RAP1GDS1: variants seen among roughly 807,000 people sequenced by gnomAD.
RAP1GDS1 encodes the protein RAP1, GTP-GDP dissociation stimulator 1.
A neutral mutation model predicts 71.1 loss-of-function variants in RAP1GDS1; 35 were observed. The observed-to-expected ratio is 0.49, with a 90% CI of 0.38 to 0.65. The LOEUF (loss-of-function observed/expected upper bound fraction) is 0.65, where lower values mean the gene tolerates loss of function less well. Ranked by LOEUF, RAP1GDS1 falls within the 30% of genes least tolerant of loss-of-function variation. The probability of loss-of-function intolerance (pLI) is 0.00; values close to 1 mark genes in which losing one functional copy is unlikely to be tolerated. For synonymous variants in RAP1GDS1, 229 were observed against 243.1 expected (o/e 0.94, Z 0.54); for missense variants, 663 against 706.1 (o/e 0.94, Z 0.69).
intron 4 of RAP1GDS1, among the ~76,000 whole-genome samples, chr4:98,361,671 G>A (rs986394875): frequency 6.6e-6 from 1 of 152,104 alleles, no homozygotes; most frequent in Non-Finnish European, 1.5e-5. Flanking sequence ...ATCAAATGCT[G>A]GGCCATAACC....
chr4:98,279,765 C>T (rs578167714), intron 1 of RAP1GDS1, among the ~76,000 whole-genome samples: 1 of 152,210 alleles, frequency 6.6e-6, no homozygotes, highest in South Asian at 2.1e-4. Context: ...CCCCTGTCCC[C>T]ACCCCATGAC....
intron 6 of RAP1GDS1, 27 bp downstream of exon 6, chr4:98,392,107 G>GTAAT: frequency 6.3e-7 from 1 of 1,586,206 alleles, no homozygotes; most frequent in South Asian, 1.2e-5. Flanking sequence ...AACCACAAAT[G>GTAAT]TAATTAACTT....
chr4:98,334,242 C>T (rs373350390), intron 2 of RAP1GDS1, among the ~76,000 whole-genome samples: 1 of 152,004 alleles, frequency 6.6e-6, no homozygotes, highest in Non-Finnish European at 1.5e-5. Context: ...CATAAACACA[C>T]CTAAGCATAT....
chr4:98,361,500 T>C lies in RAP1GDS1; in HGVS notation c.361+8899T>C, dbSNP rs72896361. On this transcript the variant is annotated intron_variant, in intron 4 of 14. Coordinates refer to ENST00000408927, the MANE Select transcript of RAP1GDS1 (RefSeq NM_001100427.2). ...AAAAATATAGGGAGTAAAGAAAGCT[T>C]TAGTAATTTCTTTAGGAAATGTATT... Among the ~76,000 whole-genome samples, 782 of 152,226 alleles carry C rather than the reference T, an allele frequency of 5.1e-3. 10 individuals carry two copies. Among genetic ancestry groups the C allele is most frequent in the African/African-American group, 0.018 (759 of 41,530 alleles).
At chr4:98,345,231 G>A (rs190450397) in intron 3 of RAP1GDS1, among the ~76,000 whole-genome samples, 54 of 152,242 alleles carry the variant, frequency 3.5e-4, no homozygotes, top group Admixed American at 1.2e-3. Context: ...AGAAATTGAC[G>A]ATGAAAAAGA....
At chr4:98,349,857 G>A in intron 3 of RAP1GDS1, among the ~76,000 whole-genome samples, 1 of 151,172 alleles carries the variant, frequency 6.6e-6, no homozygotes, top group African/African-American at 2.4e-5. Flanking sequence ...TAATATATCT[G>A]CCTGAAGCAT....
At chr4:98,344,353 T>C (rs930139113) in intron 3 of RAP1GDS1, among the ~76,000 whole-genome samples, 6 of 152,216 alleles carry the variant, frequency 3.9e-5, no homozygotes, top group Non-Finnish European at 8.8e-5. Context: ...ATACCCAGCA[T>C]CTTGGTTTTT....
chr4:98,396,747 C>T (rs1744609579), intron 6 of RAP1GDS1: 1 of 152,182 alleles, frequency 6.6e-6, no homozygotes, highest in Non-Finnish European at 1.5e-5. Context: ...TTTCTCCTTT[C>T]AGAGTGAGCT....
rs553884406 is a variant in RAP1GDS1, at chr4:98,266,648, G to A, written c.4+5079G>A. Among the ~76,000 whole-genome samples, 173 of 152,256 alleles carry A rather than the reference G, an allele frequency of 1.1e-3. 1 individual carries two copies. The South Asian group carries it at 0.018, about 16-fold the overall frequency. ...TGATTTCAAAAAAGCATAGATGCTAGCTTGGTAAATTTAAAAATTTTTCTT... is the reference window on the plus strand; with the variant it reads ...TGATTTCAAAAAAGCATAGATGCTAACTTGGTAAATTTAAAAATTTTTCTT... On this transcript the variant is annotated intron_variant, in intron 1 of 14. Coordinates refer to ENST00000408927, the MANE Select transcript of RAP1GDS1 (RefSeq NM_001100427.2).
intron 2 of RAP1GDS1, among the ~76,000 whole-genome samples, chr4:98,304,788 T>C (rs1442971498): frequency 6.6e-6 from 1 of 152,204 alleles, no homozygotes; most frequent in East Asian, 1.9e-4. Context: ...TTCTGAATGA[T>C]GTTGCGTAGA....
chr4:98,360,113 A>G (rs1738509289), intron 4 of RAP1GDS1, among the ~76,000 whole-genome samples: 1 of 152,206 alleles, frequency 6.6e-6, no homozygotes, highest in Admixed American at 6.6e-5. Context: ...GTTTACCTTA[A>G]AATTGTAGGA....
At chr4:98,284,194 C>A (rs1725637865) in intron 1 of RAP1GDS1, among the ~76,000 whole-genome samples, 1 of 152,052 alleles carries the variant, frequency 6.6e-6, no homozygotes, top group Non-Finnish European at 1.5e-5. Flanking sequence ...AAGTGATATC[C>A]ATATAATTTT....
At chr4:98,435,072 G>A (rs1750958344) in intron 13 of RAP1GDS1, among the ~76,000 whole-genome samples, 1 of 152,176 alleles carries the variant, frequency 6.6e-6, no homozygotes, top group Admixed American at 6.5e-5. Context: ...CTGTGGTTAA[G>A]GCCTAAGGCT....
At chr4:98,434,823 G>C (rs896757576) in intron 13 of RAP1GDS1, among the ~76,000 whole-genome samples, 2 of 152,010 alleles carry the variant, frequency 1.3e-5, no homozygotes, top group Admixed American at 1.3e-4. Context: ...GTTTCACCAT[G>C]TTGGTCAGGC....
intron 6 of RAP1GDS1, among the ~76,000 whole-genome samples, chr4:98,395,648 G>T (rs988109160): frequency 1.3e-5 from 2 of 152,042 alleles, no homozygotes; most frequent in Admixed American, 6.6e-5. Context: ...TAGCTCTGTC[G>T]GTCAGCTCTG....
chr4:98,388,954 C>T (rs1743188013), intron 5 of RAP1GDS1, among the ~76,000 whole-genome samples: 1 of 152,014 alleles, frequency 6.6e-6, no homozygotes, highest in Non-Finnish European at 1.5e-5. Context: ...ACAGAAATAA[C>T]ATTTTTATGA....
At chr4:98,425,881 G>T (rs1432701907) in intron 12 of RAP1GDS1, among the ~76,000 whole-genome samples, 1 of 152,142 alleles carries the variant, frequency 6.6e-6, no homozygotes, top group Non-Finnish European at 1.5e-5. Context: ...GGACTTAACA[G>T]ATATTTACAG....
intron 6 of RAP1GDS1, among the ~76,000 whole-genome samples, chr4:98,402,944 A>G (rs192649665): frequency 8.7e-4 from 133 of 152,310 alleles, no homozygotes; most frequent in Admixed American, 2.9e-3. Context: ...ATTACAAGTT[A>G]TTATAATTGC....
chr4:98,262,585 G>A (rs575775886), intron 1 of RAP1GDS1, among the ~76,000 whole-genome samples: 96 of 152,254 alleles, frequency 6.3e-4, no homozygotes, highest in Non-Finnish European at 1.0e-3. Flanking sequence ...CTTGTACTAA[G>A]TTCCCCAGTT....
Sources: allele counts gnomAD v4.1 joint callset (sites outside exome capture counted in the v4.1 genomes callset), GRCh38; gene constraint gnomAD v4.1.1; transcripts MANE v1.5; gene names NCBI Gene and HGNC (gene_info 2026-07-23, HGNC 2026-07-21).